The following STPG2 variants were observed in gnomAD, a reference collection of about 807,000 sequenced individuals.
STPG2 encodes the protein sperm-tail PG-rich repeat-containing protein 2.
In STPG2, 56 loss-of-function variants were observed where a neutral mutation model predicts 54.2. That is an observed-to-expected ratio of 1.03 (90% confidence interval 0.83 to 1.29). STPG2 has a LOEUF of 1.29. Among genes scored for constraint, STPG2 ranks in the 50% most tolerant of loss-of-function variants. The pLI, the probability that STPG2 is intolerant of heterozygous loss-of-function variation, is 0.00. For synonymous variants in STPG2, 200 were observed against 181.8 expected (o/e 1.10, Z -0.81); for missense variants, 596 against 544.9 (o/e 1.09, Z -0.93).
At chr4:97,878,732 C>T (rs1337229586) in intron 8 of STPG2, among the ~76,000 whole-genome samples, 1 of 152,158 alleles carries the variant, frequency 6.6e-6, no homozygotes, top group African/African-American at 2.4e-5. Flanking sequence ...GCCCTGAAGA[C>T]ATTTTCCCCA....
chr4:97,724,162 A>T (rs1008200977), intron 9 of STPG2, among the ~76,000 whole-genome samples: 2 of 152,208 alleles, frequency 1.3e-5, no homozygotes, highest in African/African-American at 4.8e-5. Context: ...ATAGATTTGC[A>T]GTGTGTCTTA....
chr4:98,124,619 T>C (rs993098130), intron 3 of STPG2, among the ~76,000 whole-genome samples: 1 of 152,160 alleles, frequency 6.6e-6, no homozygotes, highest in African/African-American at 2.4e-5. Flanking sequence ...CATGTTTTCT[T>C]TCATTTTGAC....
chr4:97,879,370 C>T (rs919820554), intron 8 of STPG2, among the ~76,000 whole-genome samples: 12 of 152,044 alleles, frequency 7.9e-5, no homozygotes, highest in Admixed American at 3.3e-4. Flanking sequence ...TACCTGAGAC[C>T]GGGTAATTTA....
chr4:97,818,279 C>G (rs898711323), intron 9 of STPG2, among the ~76,000 whole-genome samples: 1 of 151,812 alleles, frequency 6.6e-6, no homozygotes, highest in Non-Finnish European at 1.5e-5. Context: ...CAGTGTATGC[C>G]TGAAATCAAG....
intron 5 of STPG2, among the ~76,000 whole-genome samples, chr4:98,083,689 A>C (rs963030448): frequency 6.6e-6 from 1 of 152,216 alleles, no homozygotes; most frequent in African/African-American, 2.4e-5. Flanking sequence ...TATTCTATAC[A>C]TATCATACAA....
At chr4:97,899,211 T>A (rs1322124154) in intron 8 of STPG2, among the ~76,000 whole-genome samples, 1 of 151,898 alleles carries the variant, frequency 6.6e-6, no homozygotes, top group Non-Finnish European at 1.5e-5. Flanking sequence ...AAAAATGTAA[T>A]CTTATTTACA....
intron 9 of STPG2, among the ~76,000 whole-genome samples, chr4:97,827,786 C>T (rs919472956): frequency 3.9e-5 from 6 of 152,156 alleles, no homozygotes; most frequent in African/African-American, 1.4e-4. Context: ...TCAAACTTGA[C>T]TTATAAAGCC....
intron 4 of STPG2, among the ~76,000 whole-genome samples, chr4:97,550,728 G>A (rs993536878): frequency 1.3e-5 from 2 of 152,110 alleles, no homozygotes; most frequent in African/African-American, 4.8e-5. Flanking sequence ...TCCTTCAGAT[G>A]TTCAGATGTG....
intron 7 of STPG2, among the ~76,000 whole-genome samples, chr4:97,950,217 T>A (rs1344186092): frequency 6.6e-6 from 1 of 152,122 alleles, no homozygotes; most frequent in Non-Finnish European, 1.5e-5. Flanking sequence ...TACTTTCTCT[T>A]ATTCCTCAAA....
intron 4 of STPG2, among the ~76,000 whole-genome samples, chr4:97,448,805 G>T (rs376886672): frequency 6.6e-6 from 1 of 151,972 alleles, no homozygotes; most frequent in Non-Finnish European, 1.5e-5. Flanking sequence ...GAGTAGGAGT[G>T]ATTTCTCTAT....
rs557679212 is a variant in STPG2 at position 97,966,249 on chromosome 4, T to C, written c.933+6031A>G. Among the ~76,000 whole-genome samples, 4 of 152,272 alleles carry C rather than the reference T, an allele frequency of 2.6e-5. No homozygotes were observed. In the South Asian group the frequency reaches 6.2e-4, roughly 24 times the overall value. Reference sequence around the variant, plus strand: ...TTCATGATGCATGCACAAGCTTCAATAGCTGATTCAATCAAAAGGGTATCA... The same window carrying C: ...TTCATGATGCATGCACAAGCTTCAACAGCTGATTCAATCAAAAGGGTATCA... On this transcript the variant is annotated intron_variant, in intron 7 of 10. Transcript: ENST00000295268.
chr4:98,088,979 G>A (rs1395528331), intron 5 of STPG2, among the ~76,000 whole-genome samples: 3 of 152,078 alleles, frequency 2.0e-5, no homozygotes, highest in Admixed American at 1.3e-4. Flanking sequence ...ATATAAAACA[G>A]GTAGTAACAA....
At chr4:97,782,394 G>A (rs1323081865) in intron 9 of STPG2, among the ~76,000 whole-genome samples, 4 of 152,078 alleles carry the variant, frequency 2.6e-5, no homozygotes, top group African/African-American at 9.7e-5. Flanking sequence ...CCTCTTCAAG[G>A]AGAACTACAA....
At chr4:97,487,696 G>C (rs1294830916) in intron 4 of STPG2, among the ~76,000 whole-genome samples, 1 of 151,164 alleles carries the variant, frequency 6.6e-6, no homozygotes, top group African/African-American at 2.4e-5. Context: ...CTAATGGTTG[G>C]ATTAAGTTTA....
intron 4 of STPG2, among the ~76,000 whole-genome samples, chr4:97,547,868 G>T (rs576911673): frequency 6.6e-6 from 1 of 152,158 alleles, no homozygotes; most frequent in African/African-American, 2.4e-5. Context: ...AGAGAAACAT[G>T]AGCCGGGCAT....
intron 5 of STPG2, among the ~76,000 whole-genome samples, chr4:97,996,576 C>T (rs1735248145): frequency 1.8e-4 from 2 of 11,086 alleles, no homozygotes; most frequent in Non-Finnish European, 5.0e-4. Flanking sequence ...GATGCCAAAA[C>T]CAATTGCAAC....
intron 10 of STPG2, among the ~76,000 whole-genome samples, chr4:97,599,182 T>C (rs1022762589): frequency 1.3e-5 from 2 of 152,052 alleles, no homozygotes; most frequent in Non-Finnish European, 2.9e-5. Context: ...GTTAGAGAAA[T>C]GCAAGTCTAA....
chr4:97,912,101 G>A (rs1217237130), intron 8 of STPG2, among the ~76,000 whole-genome samples: 1 of 151,832 alleles, frequency 6.6e-6, no homozygotes. Flanking sequence ...CCCTGCAGAA[G>A]AGCGGCCTGT....
intron 8 of STPG2, among the ~76,000 whole-genome samples, chr4:97,899,462 G>C (rs182437291): frequency 2.3e-4 from 35 of 151,652 alleles, no homozygotes; most frequent in Admixed American, 2.1e-3. Context: ...CACTGAACTA[G>C]AAAAAAAATT....
Sources: allele counts gnomAD v4.1 joint callset (sites outside exome capture counted in the v4.1 genomes callset), GRCh38; gene constraint gnomAD v4.1.1; transcripts MANE v1.5; gene names NCBI Gene and HGNC (gene_info 2026-07-23, HGNC 2026-07-21).